ARHGEF3: variants seen among roughly 807,000 people sequenced by gnomAD.
The protein encoded by ARHGEF3 is Rho guanine nucleotide exchange factor 3.
A neutral mutation model predicts 63.2 loss-of-function variants in ARHGEF3; 28 were observed. That is an observed-to-expected ratio of 0.44 (90% CI 0.33 to 0.61). ARHGEF3 has a LOEUF of 0.61. ARHGEF3 is among the 20% of genes least tolerant of loss of function. The pLI, the probability that ARHGEF3 is intolerant of heterozygous loss-of-function variation, is 0.03. For missense variants in ARHGEF3, 533 were observed against 659.3 expected, an observed-to-expected ratio of 0.81 and a Z score of 2.10; for synonymous variants, 266 against 254.2, an observed-to-expected ratio of 1.05 and a Z score of -0.44.
At chr3:56,856,701 G>GTTTT (rs11393443) in intron 4 of ARHGEF3, among the ~76,000 whole-genome samples, 2 of 106,570 alleles carry the variant, frequency 1.9e-5, no homozygotes, top group African/African-American at 3.0e-5. Context: ...ATCTTGAGAG[G>GTTTT]TTTTTTGTTT....
At chr3:57,047,889 G>A (rs193006328) in intron 1 of ARHGEF3, among the ~76,000 whole-genome samples, 22 of 152,136 alleles carry the variant, frequency 1.4e-4, no homozygotes, top group African/African-American at 4.6e-4. Context: ...AGAAGTGGGG[G>A]AAAGATACAT....
chr3:56,957,202 C>G (rs1323397471), intron 3 of ARHGEF3, among the ~76,000 whole-genome samples: 1 of 152,192 alleles, frequency 6.6e-6, no homozygotes, highest in Non-Finnish European at 1.5e-5. Context: ...TTTCAGAAGT[C>G]AACACATTTC....
intron 2 of ARHGEF3, among the ~76,000 whole-genome samples, chr3:56,768,854 A>T (rs988748073): frequency 2.0e-5 from 3 of 152,202 alleles, no homozygotes; most frequent in Non-Finnish European, 2.9e-5. Context: ...ACTGACAGAG[A>T]TGCAAGAGAA....
chr3:56,915,597 A>T (rs964862665), intron 3 of ARHGEF3, among the ~76,000 whole-genome samples: 2 of 152,184 alleles, frequency 1.3e-5, no homozygotes, highest in Non-Finnish European at 2.9e-5. Flanking sequence ...CCATTCTTCA[A>T]CCCATGGAAA....
At chr3:56,924,670 T>C (rs2108376460) in intron 3 of ARHGEF3, among the ~76,000 whole-genome samples, 1 of 152,346 alleles carries the variant, frequency 6.6e-6, no homozygotes, top group Admixed American at 6.5e-5. Context: ...GTCATGGCAC[T>C]GGTGGGAGTG....
chr3:56,968,287 A>AT (rs1428324243), intron 2 of ARHGEF3, among the ~76,000 whole-genome samples: 3,590 of 32,860 alleles, frequency 0.11, 453 homozygotes, highest in Non-Finnish European at 0.17. Context: ...AAATATATAT[A>AT]ATATATATAA....
At chr3:56,729,711 G>T in intron 9 of ARHGEF3, 89 bp from the exon 10 acceptor site, 2 of 1,103,426 alleles carry the variant, frequency 1.8e-6, no homozygotes, top group Non-Finnish European at 2.6e-6. Flanking sequence ...CTAAACCCCA[G>T]AATCCATGGC....
chr3:57,042,686 A>ATTTTT (rs1560156239), intron 1 of ARHGEF3, among the ~76,000 whole-genome samples: 44 of 7,654 alleles, frequency 5.7e-3, no homozygotes, highest in South Asian at 0.01. Flanking sequence ...ATATATATAT[A>ATTTTT]TATATATATA....
intron 4 of ARHGEF3, among the ~76,000 whole-genome samples, chr3:56,808,255 T>C (rs2037936922): frequency 6.6e-6 from 1 of 151,760 alleles, no homozygotes; most frequent in Non-Finnish European, 1.5e-5. Context: ...GAGCTAATCC[T>C]GTGGATTATC....
chr3:57,033,796 G>A (rs1016967200), intron 2 of ARHGEF3, among the ~76,000 whole-genome samples: 2 of 152,126 alleles, frequency 1.3e-5, no homozygotes, highest in Non-Finnish European at 2.9e-5. Context: ...TGTAATCCCA[G>A]CACTTTGGGA....
intron 2 of ARHGEF3, among the ~76,000 whole-genome samples, chr3:56,996,725 G>A (rs537969688): frequency 3.9e-5 from 6 of 152,146 alleles, no homozygotes; most frequent in East Asian, 3.9e-4. Flanking sequence ...GCAAGGCCCC[G>A]TATCTCTTAC....
At chr3:56,829,308 A>C (rs1465555633) in intron 4 of ARHGEF3, among the ~76,000 whole-genome samples, 1 of 152,116 alleles carries the variant, frequency 6.6e-6, no homozygotes, top group Non-Finnish European at 1.5e-5. Context: ...GTGGGCTCTC[A>C]TGCAAGCTAT....
chr3:56,756,682 TG>T (rs2035089907), intron 2 of ARHGEF3, among the ~76,000 whole-genome samples: 1 of 151,792 alleles, frequency 6.6e-6, no homozygotes, highest in African/African-American at 2.4e-5. Flanking sequence ...CCTGAGTAGC[TG>T]GGCCTACAGG....
intron 4 of ARHGEF3, among the ~76,000 whole-genome samples, chr3:56,842,006 AC>A (rs1206427914): frequency 6.6e-6 from 1 of 152,172 alleles, no homozygotes; most frequent in Non-Finnish European, 1.5e-5. Context: ...CTTTATAGAC[AC>A]TAGCTTAAGT....
intron 3 of ARHGEF3, among the ~76,000 whole-genome samples, chr3:56,930,228 T>C (rs951667057): frequency 6.6e-6 from 1 of 152,118 alleles, no homozygotes; most frequent in African/African-American, 2.4e-5. Context: ...GAGATGCCGA[T>C]AGCATCTCTC....
intron 1 of ARHGEF3, among the ~76,000 whole-genome samples, chr3:56,799,448 G>C (rs2037534032): frequency 6.6e-6 from 1 of 152,138 alleles, no homozygotes; most frequent in Non-Finnish European, 1.5e-5. Flanking sequence ...CCTCTGGATA[G>C]ATCTATTTTT....
chr3:57,023,982 T>G (rs998083453), intron 2 of ARHGEF3, among the ~76,000 whole-genome samples: 4 of 152,228 alleles, frequency 2.6e-5, no homozygotes, highest in Non-Finnish European at 5.9e-5. Context: ...CTTCCTTGAC[T>G]TTAATTTAAA....
At chr3:56,872,119 T>C (rs2040449146) in intron 4 of ARHGEF3, among the ~76,000 whole-genome samples, 1 of 152,240 alleles carries the variant, frequency 6.6e-6, no homozygotes, top group Non-Finnish European at 1.5e-5. Context: ...ATAACTATAT[T>C]TCAACATAAC....
intron 6 of ARHGEF3, among the ~76,000 whole-genome samples, chr3:56,750,537 A>G (rs1306808254): frequency 1.3e-5 from 2 of 152,136 alleles, no homozygotes; most frequent in Non-Finnish European, 2.9e-5. Context: ...ATAAAACTAC[A>G]TTTTGACCAT....
Sources: gnomAD v4.1 joint callset for allele counts (sites outside exome capture counted in the v4.1 genomes callset) on GRCh38, gnomAD v4.1.1 for gene constraint, MANE v1.5 for transcripts, NCBI Gene and HGNC (gene_info 2026-07-23, HGNC 2026-07-21) for gene names.